WDR72: variants seen among roughly 807,000 people sequenced by gnomAD.
WDR72 encodes WD repeat-containing protein 72.
A neutral mutation model predicts 124.2 loss-of-function variants in WDR72; 120 were observed. The observed-to-expected ratio is 0.97, with a 90% CI of 0.83 to 1.12. The LOEUF (loss-of-function observed/expected upper bound fraction) is 1.12, where lower values mean the gene tolerates loss of function less well. WDR72 is among the 50% of genes most tolerant of loss of function. The probability of loss-of-function intolerance (pLI) is 0.00; values close to 1 mark genes in which losing one functional copy is unlikely to be tolerated. For missense variants in WDR72, 1,387 were observed against 1,278.8 expected (o/e 1.08, Z -1.29); for synonymous variants, 452 against 441.7 (o/e 1.02, Z -0.29).
At chr15:53,557,222 G>T (rs1893963167) in intron 18 of WDR72, among the ~76,000 whole-genome samples, 1 of 152,110 alleles carries the variant, frequency 6.6e-6, no homozygotes, top group Non-Finnish European at 1.5e-5. Context: ...ATTATACTTA[G>T]CTTTCTAAGG....
chr15:53,739,848 CA>C (rs1351841341), intron 1 of WDR72, among the ~76,000 whole-genome samples: 1 of 152,152 alleles, frequency 6.6e-6, no homozygotes, highest in Non-Finnish European at 1.5e-5. Flanking sequence ...GGAAACTGGG[CA>C]TTTTTTTACG....
intron 18 of WDR72, among the ~76,000 whole-genome samples, chr15:53,593,845 TA>T (rs1021885388): frequency 4.6e-5 from 7 of 152,014 alleles, no homozygotes; most frequent in Middle Eastern, 3.4e-3. Context: ...ATGAGTATGA[TA>T]AAAAATATAA....
intron 16 of WDR72, 61 bp downstream of exon 16, chr15:53,613,605 T>C (rs2013634382): frequency 1.9e-6 from 2 of 1,032,022 alleles, no homozygotes; most frequent in African/African-American, 1.7e-5. Context: ...ATAGAAAGAC[T>C]AGTTATGTCC....
At chr15:53,676,004 T>G (rs1299844487) in intron 13 of WDR72, among the ~76,000 whole-genome samples, 1 of 152,168 alleles carries the variant, frequency 6.6e-6, no homozygotes, top group Non-Finnish European at 1.5e-5. Context: ...AGCAGGCATG[T>G]CAGGATTTGT....
At position 53,722,846 on chromosome 15, in the gene WDR72, C is replaced by A; in HGVS notation, c.216G>T (p.Arg72Ser). 6.2e-7 allele frequency: 1 copy of A among 1,612,786 alleles called. No homozygotes were observed. The highest frequency in any genetic ancestry group is 8.5e-7 in the Non-Finnish European group (1 of 1,179,974). ...CAATGTAGGGCTGTTTAGAGAAGTCCCTTGCTCTTGCCAAACATGTTACCG... is the reference window on the plus strand; with the variant it reads ...CAATGTAGGGCTGTTTAGAGAAGTCACTTGCTCTTGCCAAACATGTTACCG... ...SASVTCLARA[R>S]DFSKQPYIVS... Residue 72 changes from arginine (R) to serine (S), a missense_variant, in exon 3 of 20, where the codon AGG becomes AGT. Coordinates refer to ENST00000360509, the MANE Select transcript of WDR72 (RefSeq NM_182758.4).
chr15:53,568,491 T>G (rs1460425085), intron 18 of WDR72, among the ~76,000 whole-genome samples: 1 of 151,946 alleles, frequency 6.6e-6, no homozygotes, highest in Non-Finnish European at 1.5e-5. Flanking sequence ...TGTAAACATT[T>G]TCCTTAACTA....
chr15:53,749,214 C>A (rs2018715696), intron 1 of WDR72, among the ~76,000 whole-genome samples: 1 of 152,160 alleles, frequency 6.6e-6, no homozygotes, highest in South Asian at 2.1e-4. Flanking sequence ...CTGCCTTGAG[C>A]AAATCTATAG....
At chr15:53,547,632 G>A (rs114273111) in intron 18 of WDR72, among the ~76,000 whole-genome samples, 2,244 of 152,194 alleles carry the variant, frequency 0.015, 60 homozygotes, top group African/African-American at 0.051. Context: ...TTATTTGTAG[G>A]AAGAACTACA....
At chr15:53,563,209 A>C (rs904487312) in intron 18 of WDR72, among the ~76,000 whole-genome samples, 1 of 151,776 alleles carries the variant, frequency 6.6e-6, no homozygotes, top group African/African-American at 2.4e-5. Flanking sequence ...TGTTTACATG[A>C]ATCAGTTTCA....
intron 16 of WDR72, among the ~76,000 whole-genome samples, chr15:53,610,333 C>T (rs56771214): frequency 0.14 from 21,118 of 151,592 alleles, 2,290 homozygotes; most frequent in African/African-American, 0.3. Context: ...GTACATATAA[C>T]CATAATGAAC....
chr15:53,564,746 A>G (rs902125712), intron 18 of WDR72, among the ~76,000 whole-genome samples: 3 of 151,924 alleles, frequency 2.0e-5, no homozygotes, highest in Non-Finnish European at 4.4e-5. Flanking sequence ...TTCCATGCCT[A>G]CTGAAAATCC....
At position 53,517,349 on chromosome 15, in the gene WDR72, C is replaced by T. The variant is rs560705414; in HGVS notation, c.*350G>A. 8 of 289,858 alleles carry T rather than the reference C, an allele frequency of 2.8e-5. No individual in the cohort carries two copies. Among genetic ancestry groups the T allele is most frequent in the South Asian group, 2.7e-4 (7 of 26,238 alleles). 18.0% of individuals were successfully genotyped at this position (289,858 alleles called of 1,614,324 possible). On this transcript the variant is annotated 3_prime_UTR_variant, in exon 20 of 20. Transcript: ENST00000360509. ...TTTTAACATTGTTTATTATATAATT[C>T]AGGGACTAAAAGGATAGGAGAAAAT...
chr15:53,564,657 T>C (rs1894234295), intron 18 of WDR72, among the ~76,000 whole-genome samples: 1 of 151,838 alleles, frequency 6.6e-6, no homozygotes, highest in Non-Finnish European at 1.5e-5. Flanking sequence ...CTCTAACCAT[T>C]AGCATCCACA....
rs1283221671 is a variant in WDR72, at chr15:53,733,068, C to T, written c.82G>A (p.Asp28Asn). The T allele has an allele frequency of 6.2e-7, 1 of 1,613,902 alleles. No homozygotes were observed. Among genetic ancestry groups the T allele is most frequent in the African/African-American group, 1.3e-5 (1 of 74,890 alleles). The change falls in exon 2 of 20, where the codon GAC becomes AAC. Residue 28 changes from aspartate to asparagine, a missense_variant. Coordinates refer to ENST00000360509, the MANE Select transcript of WDR72 (RefSeq NM_182758.4). Reference sequence around the variant, plus strand: ...CTTCCAGTCACAATCGTTCGCTGGTCATCAGTGATCATGATGGCAGTGATG... The same window carrying T: ...CTTCCAGTCACAATCGTTCGCTGGTTATCAGTGATCATGATGGCAGTGATG... ...HSITAIMITD[D>N]QRTIVTGSQE... is the part of the protein sequence containing the mutation.
At chr15:53,725,391 T>C (rs2017992868) in intron 2 of WDR72, among the ~76,000 whole-genome samples, 1 of 151,986 alleles carries the variant, frequency 6.6e-6, no homozygotes, top group Non-Finnish European at 1.5e-5. Context: ...TGGAAAAGAG[T>C]ACAGTAGTTT....
chr15:53,722,110 T>C (rs961294492), intron 3 of WDR72, among the ~76,000 whole-genome samples: 2 of 152,082 alleles, frequency 1.3e-5, no homozygotes, highest in African/African-American at 4.8e-5. Context: ...CTTAGCTCAC[T>C]GCAACCTCTG....
At chr15:53,625,525 A>G (rs939832786) in intron 14 of WDR72, among the ~76,000 whole-genome samples, 1 of 152,226 alleles carries the variant, frequency 6.6e-6, no homozygotes, top group African/African-American at 2.4e-5. Context: ...TAATGCTGAT[A>G]CATCTACATG....
chr15:53,648,592 T>G (rs974063304), intron 14 of WDR72, among the ~76,000 whole-genome samples: 1 of 152,134 alleles, frequency 6.6e-6, no homozygotes, highest in Non-Finnish European at 1.5e-5. Flanking sequence ...TTTAAAATAG[T>G]GTTTCTCCTC....
intron 13 of WDR72, among the ~76,000 whole-genome samples, chr15:53,672,411 G>A (rs1281288613): frequency 6.6e-6 from 1 of 151,888 alleles, no homozygotes; most frequent in Non-Finnish European, 1.5e-5. Context: ...AAAGAAGGAA[G>A]ATTCTGAAAC....
Sources: allele counts gnomAD v4.1 joint callset (sites outside exome capture counted in the v4.1 genomes callset), GRCh38; gene constraint gnomAD v4.1.1; transcripts MANE v1.5; gene names NCBI Gene and HGNC (gene_info 2026-07-23, HGNC 2026-07-21).